The following FARS2 variants were observed in gnomAD, a reference collection of about 807,000 sequenced individuals.
FARS2 encodes the protein phenylalanine--tRNA ligase, mitochondrial.
In FARS2, 40 loss-of-function variants were observed where a neutral mutation model predicts 46.4. The observed-to-expected ratio is 0.86, with a 90% confidence interval of 0.67 to 1.12. FARS2 has a LOEUF of 1.12. Among genes scored for constraint, FARS2 ranks in the 50% most tolerant of loss-of-function variants. The pLI is 0.00. For missense variants in FARS2, 513 were observed against 567.9 expected (o/e 0.90, Z 0.98); for synonymous variants, 234 against 214.9 (o/e 1.09, Z -0.78).
intron 4 of FARS2, among the ~76,000 whole-genome samples, chr6:5,514,089 CA>C (rs1768629641): frequency 1.4e-5 from 2 of 147,068 alleles, no homozygotes. Flanking sequence ...AAAATCTGGA[CA>C]TATATATATA....
intron 6 of FARS2, 47 bp downstream of exon 6, chr6:5,613,367 T>C (rs1236998100): frequency 1.1e-5 from 17 of 1,550,056 alleles, no homozygotes; most frequent in East Asian, 4.6e-5. Flanking sequence ...CTCTGTGTGA[T>C]AAATGTCATG....
intron 4 of FARS2, among the ~76,000 whole-genome samples, chr6:5,481,726 C>A (rs948345580): frequency 1.9e-4 from 21 of 111,408 alleles, no homozygotes; most frequent in African/African-American, 4.7e-4. Context: ...TGAGCTTATC[C>A]AGCCTTTCCC....
At chr6:5,520,126 AG>A (rs1365591478) in intron 4 of FARS2, among the ~76,000 whole-genome samples, 2 of 152,192 alleles carry the variant, frequency 1.3e-5, no homozygotes, top group African/African-American at 4.8e-5. Flanking sequence ...GCCGCACCCT[AG>A]GGTGAGCAAA....
chr6:5,554,807 C>G (rs1771563287), intron 5 of FARS2, among the ~76,000 whole-genome samples: 1 of 152,130 alleles, frequency 6.6e-6, no homozygotes, highest in Non-Finnish European at 1.5e-5. Context: ...GGATTTTAAC[C>G]AAAGCTGACT....
At chr6:5,642,432 CT>C (rs1217195357) in intron 6 of FARS2, among the ~76,000 whole-genome samples, 1 of 152,060 alleles carries the variant, frequency 6.6e-6, no homozygotes, top group African/African-American at 2.4e-5. Flanking sequence ...CTAATGATAC[CT>C]TATGCCAAGG....
intron 5 of FARS2, among the ~76,000 whole-genome samples, chr6:5,566,591 A>G (rs982420426): frequency 2.6e-5 from 4 of 152,208 alleles, no homozygotes; most frequent in Admixed American, 1.3e-4. Flanking sequence ...TAAGAGTGGT[A>G]AGACACAAAA....
rs1760335652 is a variant in FARS2 at position 5,727,390 on chromosome 6, A to G, written c.1218-43901A>G. On this transcript the variant is annotated intron_variant, in intron 6 of 6. Coordinates refer to ENST00000274680, the MANE Select transcript of FARS2 (RefSeq NM_006567.5). This position sits in a 1 kb window ranked among gnomAD's most constrained non-coding sequence, Gnocchi z 4.1. The stretch of plus-strand genomic sequence containing the variant: ...TTTCTCTGAGGCAGTGGTGTCACTT[A>G]TACTTGTTACACTTTTCAGAGGCAG... Among the ~76,000 whole-genome samples the G allele has an allele frequency of 6.6e-6, 1 of 152,204 alleles. No individual in the cohort carries two copies. The highest frequency in any genetic ancestry group is 2.1e-4 in the South Asian group (1 of 4,826).
Position 5,471,815 on chromosome 6 carries a change from G to A in FARS2, c.904+40643G>A, listed in dbSNP as rs901882914. Among the ~76,000 whole-genome samples the A allele has an allele frequency of 6.6e-6, 1 of 152,172 alleles. No individual in the cohort carries two copies. The highest frequency in any genetic ancestry group is 2.1e-4 in the South Asian group (1 of 4,824). ...GGTGCGCCCCGTCTGACACCAGGGC[G>A]ACTTGAGAATTGAGCCCAGGGAAGC... On this transcript the variant is annotated intron_variant, in intron 4 of 6. Transcript: ENST00000274680. The surrounding 1 kb of genome is among the most constrained non-coding windows in gnomAD (Gnocchi z 4.1).
Position 5,741,070 on chromosome 6 carries a change from TCCTCCCACACCAA to T in FARS2, c.1218-30215_1218-30203del, listed in dbSNP as rs563691512. On this transcript the variant is annotated intron_variant, in intron 6 of 6. Coordinates refer to ENST00000274680, the MANE Select transcript of FARS2 (RefSeq NM_006567.5). Reference sequence around the variant, plus strand: ...GGGCCTCTCTGGAAATGCCTGCCCTTCCTCCCACACCAACCTCCGCATCCCGAGAGAGTTGGTG... The same window carrying T: ...GGGCCTCTCTGGAAATGCCTGCCCTTCCTCCGCATCCCGAGAGAGTTGGTG... Among the ~76,000 whole-genome samples, 310 of 152,304 alleles carry T rather than the reference TCCTCCCACACCAA, an allele frequency of 2.0e-3. 1 individual carries two copies. The highest frequency in any genetic ancestry group is 6.5e-3 in the African/African-American group (270 of 41,568).
intron 6 of FARS2, among the ~76,000 whole-genome samples, chr6:5,623,059 G>A (rs1422823622): frequency 6.6e-6 from 1 of 152,202 alleles, no homozygotes; most frequent in African/African-American, 2.4e-5. Flanking sequence ...CCTTAGATGT[G>A]TGATGTTGGG....
At chr6:5,715,240 G>A (rs952257015) in intron 6 of FARS2, among the ~76,000 whole-genome samples, 2 of 152,058 alleles carry the variant, frequency 1.3e-5, no homozygotes, top group African/African-American at 4.8e-5. Context: ...TTGATCCAGG[G>A]GGTCTGATGA....
At chr6:5,419,223 T>C (rs965466371) in intron 3 of FARS2, among the ~76,000 whole-genome samples, 8 of 152,198 alleles carry the variant, frequency 5.3e-5, no homozygotes, top group African/African-American at 1.9e-4. Context: ...TTTAGATCTG[T>C]TTTACAAAAC....
upstream of FARS2, among the ~76,000 whole-genome samples, chr6:5,256,254 C>T (rs986862797): frequency 6.6e-6 from 1 of 151,882 alleles, no homozygotes; most frequent in Admixed American, 6.5e-5. Context: ...CTTTGGGAGG[C>T]CGAGGTGGGC....
At chr6:5,511,972 A>G (rs947574223) in intron 4 of FARS2, among the ~76,000 whole-genome samples, 2 of 152,256 alleles carry the variant, frequency 1.3e-5, no homozygotes, top group African/African-American at 4.8e-5. Context: ...CTAAATAAAC[A>G]GTTGAGTCCT....
intron 5 of FARS2, among the ~76,000 whole-genome samples, chr6:5,545,641 G>C (rs1324394682): frequency 6.6e-6 from 1 of 152,032 alleles, no homozygotes; most frequent in South Asian, 2.1e-4. Context: ...CCCGGTGTGT[G>C]ATGTTCCCCT....
rs142915058 is a variant in FARS2 at position 5,583,885 on chromosome 6, C to A, written c.1066-29284C>A. Among the ~76,000 whole-genome samples the A allele has an allele frequency of 1.8e-3, 267 of 152,262 alleles. 1 individual carries two copies. The highest frequency in any genetic ancestry group is 3.5e-3 in the Admixed American group (54 of 15,288). On this transcript the variant is annotated intron_variant, in intron 5 of 6. Transcript: ENST00000274680. ...GGAAGTCTGTTTTGCAAGGGTCCTT[C>A]TTTGTGTGCCTGAATGTGATGCATT... is the stretch of plus-strand genomic sequence containing the variant.
rs181813717 is a variant in FARS2 at position 5,396,489 on chromosome 6, C to A, written c.613-8053C>A. Among the ~76,000 whole-genome samples, 602 of 152,190 alleles carry A rather than the reference C, an allele frequency of 4.0e-3. 2 individuals are homozygous for A. The highest frequency in any genetic ancestry group is 0.014 in the African/African-American group (581 of 41,518). On this transcript the variant is annotated intron_variant, in intron 2 of 6. Transcript: ENST00000274680. ...GGTATAAAAGTATGAGGATTTTTCA[C>A]CCCCTGGGAGATTTATAATTTGATT...
intron 6 of FARS2, among the ~76,000 whole-genome samples, chr6:5,698,447 G>A (rs1379533544): frequency 6.6e-6 from 1 of 152,158 alleles, no homozygotes; most frequent in Non-Finnish European, 1.5e-5. Context: ...CCCACCTCCA[G>A]CATTGGGGAT....
At chr6:5,324,975 C>T (rs1356330985) in intron 1 of FARS2, among the ~76,000 whole-genome samples, 1 of 152,166 alleles carries the variant, frequency 6.6e-6, no homozygotes, top group African/African-American at 2.4e-5. Flanking sequence ...CTGGCAAACA[C>T]ATCTGGTTCC....
Sources: allele counts gnomAD v4.1 joint callset (sites outside exome capture counted in the v4.1 genomes callset), GRCh38; gene constraint gnomAD v4.1.1; non-coding constraint Gnocchi (gnomAD v3.1); transcripts MANE v1.5; gene names NCBI Gene and HGNC (gene_info 2026-07-23, HGNC 2026-07-21).